Variants in WWOX observed in about 807,000 individuals in gnomAD.
WWOX encodes the protein WW domain containing oxidoreductase, also known as WW domain-containing oxidoreductase.
A neutral mutation model predicts 46.2 loss-of-function variants in WWOX; 69 were observed. The observed-to-expected ratio is 1.49, with a 90% CI of 1.23 to 1.82. The LOEUF (loss-of-function observed/expected upper bound fraction) is 1.82. Among genes scored for constraint, WWOX ranks in the 40% most tolerant of loss-of-function variants. The pLI, the probability that WWOX is intolerant of heterozygous loss-of-function variation, is 0.00. For synonymous variants in WWOX, 359 were observed against 202.6 expected (o/e 1.77, Z -6.56); for missense variants, 919 against 542.6 (o/e 1.69, Z -6.89).
At chr16:79,170,528 G>C (rs1372207235) in intron 8 of WWOX, among the ~76,000 whole-genome samples, 1 of 152,154 alleles carries the variant, frequency 6.6e-6, no homozygotes, top group Non-Finnish European at 1.5e-5. Flanking sequence ...AATTATGCCA[G>C]ATTAAGAAAA....
chr16:79,030,718 T>A (rs538562891), intron 8 of WWOX, among the ~76,000 whole-genome samples: 2 of 152,260 alleles, frequency 1.3e-5, no homozygotes, highest in South Asian at 4.1e-4. Flanking sequence ...TCTTCTACCC[T>A]CCGGTTGTTT....
chr16:78,310,946 G>A (rs1235806710), intron 5 of WWOX, among the ~76,000 whole-genome samples: 1 of 152,196 alleles, frequency 6.6e-6, no homozygotes, highest in East Asian at 1.9e-4. Flanking sequence ...GGATGCTTGG[G>A]AAGCCCCAGA....
chr16:78,668,708 C>T (rs1288802788), intron 8 of WWOX, among the ~76,000 whole-genome samples: 1 of 152,060 alleles, frequency 6.6e-6, no homozygotes, highest in Non-Finnish European at 1.5e-5. Context: ...TTGGAATCTA[C>T]ATGGGTGTTT....
At chr16:79,075,371 A>G (rs1169385508) in intron 8 of WWOX, among the ~76,000 whole-genome samples, 1 of 152,078 alleles carries the variant, frequency 6.6e-6, no homozygotes, top group African/African-American at 2.4e-5. Flanking sequence ...CACCACCTTA[A>G]CCTAGAAACC....
At chr16:78,161,498 G>A (rs2034791592) in intron 4 of WWOX, among the ~76,000 whole-genome samples, 2 of 151,598 alleles carry the variant, frequency 1.3e-5, no homozygotes, top group Admixed American at 1.3e-4. Context: ...TCTGGCTGGA[G>A]TGCAGTGGCA....
rs552252139 is a variant in WWOX at position 78,279,251 on chromosome 16, A to G, written c.517-107609A>G. On this transcript the variant is annotated intron_variant, in intron 5 of 8. Coordinates refer to ENST00000566780, the MANE Select transcript of WWOX (RefSeq NM_016373.4). ...GTTGTTTTAAAAAGGGCTATTTAAG[A>G]GTCTTGAAAAGAGTGTGTGTGTGTA... is the stretch of plus-strand genomic sequence containing the variant. 4.6e-5 allele frequency among the ~76,000 whole-genome samples: 7 copies of G among 152,272 alleles called. No individual in the cohort carries two copies. In the South Asian group the frequency reaches 1.5e-3, roughly 32 times the overall value.
At chr16:78,493,724 C>T (rs1259843418) in intron 8 of WWOX, among the ~76,000 whole-genome samples, 2 of 152,104 alleles carry the variant, frequency 1.3e-5, no homozygotes, top group Non-Finnish European at 2.9e-5. Context: ...TCGCAACAGT[C>T]TTACCCCCAT....
intron 4 of WWOX, among the ~76,000 whole-genome samples, chr16:78,125,900 A>G (rs1321990685): frequency 5.3e-5 from 8 of 152,156 alleles, no homozygotes; most frequent in Admixed American, 5.2e-4. Context: ...GGTTATTGTG[A>G]TTAACATGTA....
At position 79,211,688 on chromosome 16, in the gene WWOX, C is replaced by G. The variant is rs753190801; in HGVS notation, c.1137C>G (p.Cys379Trp). The G allele has an allele frequency of 1.9e-6, 3 of 1,614,232 alleles. No individual in the cohort carries two copies. Among genetic ancestry groups the G allele is most frequent in the Non-Finnish European group, 2.5e-6 (3 of 1,180,042 alleles). Residue 379 changes from cysteine to tryptophan, a missense_variant, in exon 9 of 9, where the codon TGC (cysteine) becomes TGG (tryptophan). Coordinates refer to ENST00000566780, the MANE Select transcript of WWOX (RefSeq NM_016373.4). ...TGGGAGGGATGTACTTCAACAACTG[C>G]TGCCGCTGCATGCCCTCACCAGAAG... is the stretch of plus-strand genomic sequence containing the variant. ...EGLGGMYFNN[C>W]CRCMPSPEAQ...
intron 8 of WWOX, among the ~76,000 whole-genome samples, chr16:79,148,467 C>G (rs2050219331): frequency 6.6e-6 from 1 of 152,126 alleles, no homozygotes. Context: ...ATTACTATAG[C>G]TATGTAGTAA....
intron 8 of WWOX, among the ~76,000 whole-genome samples, chr16:78,531,727 G>A (rs1278138356): frequency 6.6e-6 from 1 of 151,976 alleles, no homozygotes; most frequent in South Asian, 2.1e-4. Context: ...TTTAGGTGAT[G>A]TGTGTCTGTA....
rs749138794 is a variant in WWOX at position 78,406,291 on chromosome 16, CATATAA to C, written c.606-18567_606-18562del. Among the ~76,000 whole-genome samples the C allele has an allele frequency of 4.4e-4, 41 of 93,130 alleles. 1 individual carries two copies. The highest frequency in any genetic ancestry group is 1.9e-3 in the South Asian group (4 of 2,120). The allele number at this position is 93,130 out of a possible 152,430, so 61.1% of individuals were successfully genotyped here. On this transcript the variant is annotated intron_variant, in intron 6 of 8. Transcript: ENST00000566780. The stretch of plus-strand genomic sequence containing the variant: ...TGATATAATTTCCATTACATTACAG[CATATAA>C]ATATAAATATATATATATATATATA...
chr16:78,283,595 G>A (rs2151856021), intron 5 of WWOX, among the ~76,000 whole-genome samples: 1 of 151,990 alleles, frequency 6.6e-6, no homozygotes, highest in East Asian at 1.9e-4. Flanking sequence ...AACTCACATA[G>A]GATGAATGTG....
chr16:78,937,788 C>T (rs2045772390), intron 8 of WWOX, among the ~76,000 whole-genome samples: 2 of 151,642 alleles, frequency 1.3e-5, no homozygotes, highest in Non-Finnish European at 2.9e-5. Context: ...CCATGCCTGG[C>T]TAACTTTTGT....
chr16:78,359,121 T>C (rs1321332746), intron 5 of WWOX, among the ~76,000 whole-genome samples: 1 of 152,174 alleles, frequency 6.6e-6, no homozygotes, highest in Non-Finnish European at 1.5e-5. Flanking sequence ...ATACTCTTTC[T>C]GTAGCAGTGT....
rs138806967 is a variant in WWOX, at chr16:78,594,429, G to GCCCCCCCCCCC, written c.1056+161683_1056+161693dup. Among the ~76,000 whole-genome samples the GCCCCCCCCCCC allele has an allele frequency of 4.3e-3, 140 of 32,398 alleles. 4 individuals are homozygous for GCCCCCCCCCCC. The highest frequency in any genetic ancestry group is 5.5e-3 in the Admixed American group (9 of 1,624). The allele number at this position is 32,398 out of a possible 152,430, so 21.3% of individuals were successfully genotyped here. On this transcript the variant is annotated intron_variant, in intron 8 of 8. Coordinates refer to ENST00000566780, the MANE Select transcript of WWOX (RefSeq NM_016373.4). Reference sequence around the variant, plus strand: ...TCTTGACGAAGAAGACTGAGGAAAGGCCCCCCCCCCCCCCCCGCCAAATTG... The same window carrying GCCCCCCCCCCC: ...TCTTGACGAAGAAGACTGAGGAAAGGCCCCCCCCCCCCCCCCCCCCCCCCCCCGCCAAATTG...
chr16:78,151,847 T>C (rs567682566), intron 4 of WWOX, among the ~76,000 whole-genome samples: 8 of 152,282 alleles, frequency 5.3e-5, no homozygotes, highest in Admixed American at 5.2e-4. Context: ...TTTAACCACT[T>C]TTGTGTCTTA....
intron 8 of WWOX, chr16:79,206,460 ATG>A (rs1375318234): frequency 6.6e-6 from 1 of 152,222 alleles, no homozygotes; most frequent in East Asian, 1.9e-4. Flanking sequence ...CTCTAAATAA[ATG>A]GAAATACTAA....
intron 8 of WWOX, among the ~76,000 whole-genome samples, chr16:79,152,991 C>A (rs1219534115): frequency 6.6e-6 from 1 of 152,026 alleles, no homozygotes; most frequent in Admixed American, 6.5e-5. Context: ...GGGGGAAATA[C>A]AAGGAAGGAA....
Sources: gnomAD v4.1 joint callset for allele counts (sites outside exome capture counted in the v4.1 genomes callset) on GRCh38, gnomAD v4.1.1 for gene constraint, MANE v1.5 for transcripts, NCBI Gene and HGNC (gene_info 2026-07-23, HGNC 2026-07-21) for gene names.